Variants in C14orf39 observed in about 807,000 individuals in gnomAD.
The protein encoded by C14orf39 is protein SIX6OS1.
C14orf39 carries 66 observed loss-of-function variants against 85.6 expected under a neutral mutation model. That is an observed-to-expected ratio of 0.77 (90% CI 0.63 to 0.95). The LOEUF is 0.95. Ranked by LOEUF, C14orf39 falls within the 40% of genes least tolerant of loss-of-function variation. C14orf39 has a pLI of 0.00. For missense variants in C14orf39, 735 were observed against 663.9 expected (o/e 1.11, Z -1.18); for synonymous variants, 242 against 214.0 (o/e 1.13, Z -1.14).
chr14:60,510,502 C>T (rs149771549), intron 1 of C14orf39, among the ~76,000 whole-genome samples: 82 of 152,356 alleles, frequency 5.4e-4, no homozygotes, highest in African/African-American at 1.9e-3. Flanking sequence ...TGTCTCAAAA[C>T]AGCAAACTAG....
intron 4 of C14orf39, among the ~76,000 whole-genome samples, chr14:60,482,536 A>G (rs1892686991): frequency 6.6e-6 from 1 of 152,346 alleles, no homozygotes; most frequent in South Asian, 2.1e-4. Flanking sequence ...ACAAATTGGT[A>G]TAAACTTTTT....
Position 60,471,656 on chromosome 14 carries a change from C to A in C14orf39, c.407G>T (p.Arg136Leu). The change falls in exon 6 of 18, where the codon CGT (arginine) becomes CTT (leucine). Residue 136 changes from arginine to leucine, a missense_variant. Transcript: ENST00000321731. The part of the protein sequence containing the change: ...QLKYSETPFS[R>L]EYYEKKREHE... ...TTCTCTTTTCTTCTCATAATATTCACGTGAAAAGGGTGTTTCTGAGTATTT... is the reference window on the plus strand; with the variant it reads ...TTCTCTTTTCTTCTCATAATATTCAAGTGAAAAGGGTGTTTCTGAGTATTT... The A allele has an allele frequency of 1.2e-6, 2 of 1,610,016 alleles. No individual in the cohort carries two copies. The highest frequency in any genetic ancestry group is 1.7e-6 in the Non-Finnish European group (2 of 1,177,286).
chr14:60,484,880 C>T lies in C14orf39; in HGVS notation c.106+1G>A. The T allele has an allele frequency of 1.3e-6, 2 of 1,554,198 alleles. No homozygotes were observed. The highest frequency in any genetic ancestry group is 2.2e-5 in the East Asian group (1 of 44,462). On this transcript the variant is annotated splice_donor_variant, in intron 3 of 17. Coordinates refer to ENST00000321731, the MANE Select transcript of C14orf39 (RefSeq NM_174978.3). LOFTEE classifies it high-confidence loss of function. The surrounding 1 kb of genome is among the most constrained non-coding windows in gnomAD (Gnocchi z 4.2). ...TATCTTGATCATGCAAAGCTACTTA[C>T]TATTAATTCTTTGAATCATCTCTTC...
chr14:60,490,097 C>G (rs1892963928), upstream of C14orf39, among the ~76,000 whole-genome samples: 1 of 152,164 alleles, frequency 6.6e-6, no homozygotes, highest in Non-Finnish European at 1.5e-5. Context: ...TCAGCCTCCT[C>G]TCCTTCCACT....
Position 60,466,018 on chromosome 14 carries a change from A to C in C14orf39, c.933T>G (p.Leu311=). 1.3e-6 allele frequency: 2 copies of C among 1,566,784 alleles called. No individual in the cohort carries two copies. Among genetic ancestry groups the C allele is most frequent in the Non-Finnish European group, 1.7e-6 (2 of 1,160,206 alleles). Residue 311 remains leucine, a synonymous_variant, in exon 11 of 18, where the codon CTT becomes CTG. Transcript: ENST00000321731. ...CTTTTTGTCTAAAGTCAATATTGGCAAGCTTTGACTGCTTCGCAGAACTTT... is the reference window on the plus strand; with the variant it reads ...CTTTTTGTCTAAAGTCAATATTGGCCAGCTTTGACTGCTTCGCAGAACTTT... ...KEESSAKQSK[L]ANIDFRQKEN... is the part of the protein sequence containing the mutation.
intron 11 of C14orf39, among the ~76,000 whole-genome samples, chr14:60,463,155 C>T (rs529087499): frequency 1.3e-5 from 2 of 152,188 alleles, no homozygotes; most frequent in African/African-American, 4.8e-5. Flanking sequence ...TAAAACCAGG[C>T]ACTTCAGTGG....
Position 60,478,321 on chromosome 14 carries a change from T to C in C14orf39, c.302A>G (p.Gln101Arg). ...DYMQDQFTVY[Q>R]GTVEKDKEMY... is the part of the protein sequence containing the mutation. ...ATACTTGTCTTTTTCAACAGTTCCT[T>C]GATAAACAGTAAATTGGTCCTGCAT... Residue 101 changes from glutamine to arginine, a missense_variant, in exon 5 of 18, where the codon CAA becomes CGA. Transcript: ENST00000321731. The C allele has an allele frequency of 6.4e-7, 1 of 1,570,908 alleles. No homozygotes were observed.
chr14:60,455,165 C>G lies in C14orf39; in HGVS notation c.1359-20G>C, dbSNP rs763882248. ...CTGTTACTGAGAAATAAGAAATTAT[C>G]AAAATGTTAAAAATCTATTATTAAA... is the stretch of plus-strand genomic sequence containing the variant. On this transcript the variant is annotated intron_variant, in intron 15 of 17. Transcript: ENST00000321731. 6 of 1,511,594 alleles carry G rather than the reference C, an allele frequency of 4.0e-6. No homozygotes were observed. The highest frequency in any genetic ancestry group is 1.8e-4 in the Middle Eastern group (1 of 5,594). The allele number at this position is 1,511,594 out of a possible 1,614,324, so 93.6% of individuals were successfully genotyped here.
rs368751932 is a variant in C14orf39 at position 60,456,558 on chromosome 14, G to A, written c.1358+359C>T. Among the ~76,000 whole-genome samples the A allele has an allele frequency of 1.4e-3, 217 of 151,748 alleles. 9 individuals carry two copies. In the South Asian group the frequency reaches 0.043, roughly 30 times the overall value. On this transcript the variant is annotated intron_variant, in intron 15 of 17. Coordinates refer to ENST00000321731, the MANE Select transcript of C14orf39 (RefSeq NM_174978.3). Reference sequence around the variant, plus strand: ...GGCACATGCCACTATGCTAGGCTTAGCTTGACATTTTAAATTTTCTTTATC... The same window carrying A: ...GGCACATGCCACTATGCTAGGCTTAACTTGACATTTTAAATTTTCTTTATC...
At chr14:60,462,753 T>C (rs1473865668) in intron 11 of C14orf39, among the ~76,000 whole-genome samples, 1 of 152,120 alleles carries the variant, frequency 6.6e-6, no homozygotes, top group Non-Finnish European at 1.5e-5. Context: ...ATTTGTAAAC[T>C]TTCTTAAAAC....
At chr14:60,440,258 G>A (rs1254322) in intron 17 of C14orf39, among the ~76,000 whole-genome samples, 19,485 of 152,012 alleles carry the variant, frequency 0.13, 1,744 homozygotes, top group South Asian at 0.26. Context: ...TTTCACTTAC[G>A]TATCTAATAA....
intron 1 of C14orf39, among the ~76,000 whole-genome samples, chr14:60,507,109 G>A (rs1893213999): frequency 6.6e-6 from 1 of 152,166 alleles, no homozygotes; most frequent in Admixed American, 6.5e-5. Flanking sequence ...GGTCTCCGCG[G>A]ACCCCACCGC....
At chr14:60,469,047 G>C (rs549317471) in intron 8 of C14orf39, among the ~76,000 whole-genome samples, 1 of 151,436 alleles carries the variant, frequency 6.6e-6, no homozygotes, top group African/African-American at 2.4e-5. Context: ...CAATTTCATG[G>C]ATGACATCCA....
At position 60,469,633 on chromosome 14, in the gene C14orf39, G is replaced by T; in HGVS notation, c.575C>A (p.Thr192Lys). Residue 192 changes from threonine to lysine, a missense_variant, in exon 8 of 18, where the codon ACA becomes AAA. Physicochemically the swap from Thr to Lys is moderately conservative, Grantham distance 78. Coordinates refer to ENST00000321731, the MANE Select transcript of C14orf39 (RefSeq NM_174978.3). ...GCTGGCATGTTTAAGAATATCTTGTGTTTCACATCTCAAATTAACACTTTT... is the reference window on the plus strand; with the variant it reads ...GCTGGCATGTTTAAGAATATCTTGTTTTTCACATCTCAAATTAACACTTTT... Reference protein sequence around the residue: ...TLNIVNLRCETQDILKHASNL... With the variant: ...TLNIVNLRCEKQDILKHASNL... 7.1e-7 allele frequency: 1 copy of T among 1,411,700 alleles called. No homozygotes were observed. Among genetic ancestry groups the T allele is most frequent in the East Asian group, 2.5e-5 (1 of 40,500 alleles). The allele number at this position is 1,411,700 out of a possible 1,614,324, so 87.4% of individuals were successfully genotyped here. A position where few individuals can be genotyped will look rare whatever the true frequency, so the allele number is the denominator to read the frequency against.
At chr14:60,505,930 A>C (rs982004206) in intron 1 of C14orf39, among the ~76,000 whole-genome samples, 3 of 152,202 alleles carry the variant, frequency 2.0e-5, no homozygotes, top group Admixed American at 2.0e-4. Flanking sequence ...CCATATGTGC[A>C]GAAGTCCCAC....
chr14:60,442,970 C>T (rs1051156679), intron 16 of C14orf39, among the ~76,000 whole-genome samples: 2 of 152,132 alleles, frequency 1.3e-5, no homozygotes, highest in African/African-American at 2.4e-5. Flanking sequence ...TAACTATTTG[C>T]AATCTTATTG....
chr14:60,507,689 C>G (rs961705332), intron 1 of C14orf39, among the ~76,000 whole-genome samples: 5 of 152,274 alleles, frequency 3.3e-5, no homozygotes, highest in African/African-American at 9.6e-5. Flanking sequence ...GACCCGACAC[C>G]TCCAACCATC....
intron 5 of C14orf39, among the ~76,000 whole-genome samples, chr14:60,476,579 T>C (rs537886049): frequency 1.3e-5 from 2 of 152,348 alleles, no homozygotes; most frequent in African/African-American, 4.8e-5. Context: ...CTGTTTTCAC[T>C]TTAATACCTT....
At chr14:60,454,315 G>A (rs1891167572) in intron 16 of C14orf39, among the ~76,000 whole-genome samples, 1 of 151,780 alleles carries the variant, frequency 6.6e-6, no homozygotes, top group Non-Finnish European at 1.5e-5. Context: ...ATTATTAAGT[G>A]GTTGGTACTT....
Sources: allele counts gnomAD v4.1 joint callset (sites outside exome capture counted in the v4.1 genomes callset), GRCh38; gene constraint gnomAD v4.1.1; non-coding constraint Gnocchi (gnomAD v3.1); transcripts MANE v1.5; gene names NCBI Gene and HGNC (gene_info 2026-07-23, HGNC 2026-07-21).